The following EXOC6 variants were observed in gnomAD, a reference collection of about 807,000 sequenced individuals.
EXOC6 encodes the protein exocyst complex component 6.
A neutral mutation model predicts 112.5 loss-of-function variants in EXOC6; 60 were observed. The ratio of observed to expected loss-of-function variants is 0.53; its 90% CI spans 0.43 to 0.66. The LOEUF (loss-of-function observed/expected upper bound fraction) is 0.66. EXOC6 is among the 30% of genes least tolerant of loss of function. The probability of loss-of-function intolerance (pLI) is 0.00; values close to 1 mark genes in which losing one functional copy is unlikely to be tolerated. For synonymous variants in EXOC6, 295 were observed against 308.0 expected (o/e 0.96, Z 0.44); for missense variants, 855 against 957.1 (o/e 0.89, Z 1.41).
chr10:92,913,260 CTTAG>C (rs972109836), intron 6 of EXOC6, among the ~76,000 whole-genome samples: 11 of 152,290 alleles, frequency 7.2e-5, no homozygotes, highest in African/African-American at 2.6e-4. Flanking sequence ...CTAAGTCCTA[CTTAG>C]TTACTATCAA....
chr10:92,936,676 A>T (rs745625451), intron 12 of EXOC6, among the ~76,000 whole-genome samples: 3 of 152,214 alleles, frequency 2.0e-5, no homozygotes, highest in Non-Finnish European at 4.4e-5. Context: ...CCCTTCGGAT[A>T]TTAAAAGCAA....
At chr10:93,000,921 A>G (rs1430670641) in intron 19 of EXOC6, among the ~76,000 whole-genome samples, 2 of 152,222 alleles carry the variant, frequency 1.3e-5, no homozygotes. Context: ...TAAAAAATGA[A>G]ACTTAGCTTT....
chr10:92,997,630 G>C lies in EXOC6; in HGVS notation c.2095+15G>C. On this transcript the variant is annotated intron_variant, in intron 19 of 21. Transcript: ENST00000260762. ...ACAGTGTGAATGTAAGTACTATATT[G>C]GTTTATTCTTATGTATTACTAGGAA... 1 of 1,572,754 alleles carries C rather than the reference G, an allele frequency of 6.4e-7. No individual in the cohort carries two copies. The highest frequency in any genetic ancestry group is 8.6e-7 in the Non-Finnish European group (1 of 1,157,840).
intron 8 of EXOC6, among the ~76,000 whole-genome samples, chr10:92,922,176 C>G (rs1851482166): frequency 6.6e-6 from 1 of 152,080 alleles, no homozygotes; most frequent in African/African-American, 2.4e-5. Context: ...GAACTCCTGA[C>G]CTCAGGTGAT....
intron 18 of EXOC6, among the ~76,000 whole-genome samples, chr10:92,978,208 G>A (rs1160836361): frequency 5.3e-5 from 8 of 152,112 alleles, no homozygotes; most frequent in Non-Finnish European, 4.4e-5. Context: ...CTAGGAGTTC[G>A]AGACTAGTCT....
upstream of EXOC6, chr10:92,831,375 T>C (rs1199483928): frequency 7.8e-7 from 1 of 1,277,688 alleles, no homozygotes; most frequent in Non-Finnish European, 1.0e-6. Flanking sequence ...AAAGCAATAG[T>C]GGTTTGTTAA....
At chr10:92,888,259 A>C (rs1037059809) in intron 1 of EXOC6, among the ~76,000 whole-genome samples, 2 of 152,160 alleles carry the variant, frequency 1.3e-5, no homozygotes, top group African/African-American at 4.8e-5. Flanking sequence ...GTTTTTCTCC[A>C]TTATAGCACA....
chr10:92,854,815 T>TTG (rs541014925), intron 1 of EXOC6, among the ~76,000 whole-genome samples: 2,334 of 151,888 alleles, frequency 0.015, 53 homozygotes, highest in African/African-American at 0.052. Flanking sequence ...GATCTGTTTT[T>TTG]TGTGTGTGTG....
intron 5 of EXOC6, among the ~76,000 whole-genome samples, chr10:92,906,204 C>T (rs990939950): frequency 1.3e-5 from 2 of 152,090 alleles, no homozygotes; most frequent in Non-Finnish European, 2.9e-5. Context: ...TTCTCTATCC[C>T]TTTATTTTTT....
chr10:93,023,717 T>C (rs1844889453), intron 20 of EXOC6, among the ~76,000 whole-genome samples: 1 of 152,212 alleles, frequency 6.6e-6, no homozygotes, highest in South Asian at 2.1e-4. Context: ...TTTTGTTAAA[T>C]ATAATATTTC....
chr10:93,005,050 A>C (rs753541646), intron 19 of EXOC6, among the ~76,000 whole-genome samples: 1 of 152,220 alleles, frequency 6.6e-6, no homozygotes, highest in Non-Finnish European at 1.5e-5. Context: ...TACAGTGGTA[A>C]GCAAAACAGA....
chr10:92,872,444 G>A lies in EXOC6; in HGVS notation c.102-20905G>A, dbSNP rs1848497471. Among the ~76,000 whole-genome samples, 3 of 151,840 alleles carry A rather than the reference G, an allele frequency of 2.0e-5. 1 individual carries two copies. The highest frequency in any genetic ancestry group is 4.2e-4 in the South Asian group (2 of 4,780). On this transcript the variant is annotated intron_variant, in intron 1 of 21. Coordinates refer to ENST00000260762, the MANE Select transcript of EXOC6 (RefSeq NM_019053.6). ...TTAGTTTTCATGAGTATTCTATGTG[G>A]TCTTCAAAGTGTATGGTTTTTTATT...
intron 1 of EXOC6, among the ~76,000 whole-genome samples, chr10:92,891,401 C>G (rs994327186): frequency 2.0e-5 from 3 of 152,090 alleles, no homozygotes; most frequent in Non-Finnish European, 2.9e-5. Flanking sequence ...CTTACAGAAC[C>G]TACATTTTTT....
chr10:92,951,262 TC>T (rs2134006329), intron 14 of EXOC6, among the ~76,000 whole-genome samples: 1 of 152,192 alleles, frequency 6.6e-6, no homozygotes, highest in South Asian at 2.1e-4. Context: ...GTGATTGAAG[TC>T]ATAAGACCAT....
At chr10:92,896,153 A>G (rs1188612050) in intron 4 of EXOC6, among the ~76,000 whole-genome samples, 112 of 11,026 alleles carry the variant, frequency 0.01, 1 homozygote, top group African/African-American at 0.058. Context: ...ATGTGTATAT[A>G]TATATATATA....
intron 17 of EXOC6, among the ~76,000 whole-genome samples, chr10:92,962,145 C>T (rs1317856521): frequency 6.6e-6 from 1 of 151,946 alleles, no homozygotes; most frequent in Non-Finnish European, 1.5e-5. Flanking sequence ...GCAGGTGGCT[C>T]TATGAGAGAT....
intron 1 of EXOC6, among the ~76,000 whole-genome samples, chr10:92,879,897 T>C (rs1352797612): frequency 6.6e-6 from 1 of 152,234 alleles, no homozygotes; most frequent in Non-Finnish European, 1.5e-5. Flanking sequence ...CAGATAATTT[T>C]TGTGCTGTTT....
At chr10:92,968,915 A>G (rs1055219064) in intron 17 of EXOC6, among the ~76,000 whole-genome samples, 1 of 152,090 alleles carries the variant, frequency 6.6e-6, no homozygotes. Flanking sequence ...AAGTAAGTGG[A>G]AGTATTAACC....
At chr10:93,031,510 C>CT (rs778524287) in intron 20 of EXOC6, among the ~76,000 whole-genome samples, 3,503 of 130,474 alleles carry the variant, frequency 0.027, 116 homozygotes, top group East Asian at 0.045. Flanking sequence ...TTCTTTCTTT[C>CT]TTTTTTTTTT....
Sources: allele counts gnomAD v4.1 joint callset (sites outside exome capture counted in the v4.1 genomes callset), GRCh38; gene constraint gnomAD v4.1.1; transcripts MANE v1.5; gene names NCBI Gene and HGNC (gene_info 2026-07-23, HGNC 2026-07-21).